The following GANC variants were observed in gnomAD, a reference collection of about 807,000 sequenced individuals.
The protein encoded by GANC is neutral alpha-glucosidase C.
Under a neutral mutation model 124.2 loss-of-function variants are expected in GANC, and 117 were observed. That is an observed-to-expected ratio of 0.94 (90% CI 0.81 to 1.10). The LOEUF (loss-of-function observed/expected upper bound fraction) is 1.10, where lower values mean the gene tolerates loss of function less well. Ranked by LOEUF, GANC falls within the 50% of genes least tolerant of loss-of-function variation. The pLI is 0.00. For synonymous variants in GANC, 377 were observed against 376.8 expected (o/e 1.00, Z -0.01); for missense variants, 1,140 against 1,095.0 (o/e 1.04, Z -0.58).
At chr15:42,287,859 T>A in intron 4 of GANC, 41 bp downstream of exon 4, 2 of 1,575,770 alleles carry the variant, frequency 1.3e-6, no homozygotes, top group Non-Finnish European at 1.7e-6. Context: ...ACGCTTGATA[T>A]ATTCTTTTAT....
At chr15:42,311,896 C>A in intron 10 of GANC, among the ~76,000 whole-genome samples, 2 of 151,522 alleles carry the variant, frequency 1.3e-5, no homozygotes, top group South Asian at 2.1e-4. Flanking sequence ...ATGAACAATC[C>A]AAAAAAATTT....
chr15:42,320,269 A>G (rs1426680975), intron 10 of GANC, among the ~76,000 whole-genome samples: 3 of 152,158 alleles, frequency 2.0e-5, no homozygotes, highest in Non-Finnish European at 2.9e-5. Flanking sequence ...GGGATACTCA[A>G]CCTACACTTG....
chr15:42,347,623 A>G (rs1185626397), intron 20 of GANC, among the ~76,000 whole-genome samples: 1 of 152,182 alleles, frequency 6.6e-6, no homozygotes, highest in East Asian at 1.9e-4. Flanking sequence ...AGTGAGGACA[A>G]AAGTCATCTG....
intron 5 of GANC, among the ~76,000 whole-genome samples, chr15:42,296,848 T>C (rs1217035648): frequency 6.6e-6 from 1 of 150,538 alleles, no homozygotes; most frequent in African/African-American, 2.5e-5. Context: ...TTTTTCTTTT[T>C]CCTTTTTTTT....
At chr15:42,292,200 C>T (rs1440448352) in intron 4 of GANC, among the ~76,000 whole-genome samples, 2 of 152,060 alleles carry the variant, frequency 1.3e-5, no homozygotes, top group Non-Finnish European at 2.9e-5. Flanking sequence ...GACCTGGTTC[C>T]ATCTCACTGT....
At chr15:42,327,564 A>T (rs1457076812) in intron 13 of GANC, 122 bp downstream of exon 13, 3 of 818,850 alleles carry the variant, frequency 3.7e-6, no homozygotes, top group Non-Finnish European at 4.0e-6. Context: ...CTTTTATTAA[A>T]AGGCAAGTAT....
chr15:42,328,020 T>C (rs146412543), intron 13 of GANC, among the ~76,000 whole-genome samples: 1 of 152,290 alleles, frequency 6.6e-6, no homozygotes. Flanking sequence ...TTTGTCTTCA[T>C]AATAACCCTC....
At position 42,343,067 on chromosome 15, in the gene GANC, C is replaced by G. The variant is rs1411304048; in HGVS notation, c.2153-11C>G. 2 of 1,610,070 alleles carry G rather than the reference C, an allele frequency of 1.2e-6. No homozygotes were observed. The highest frequency in any genetic ancestry group is 3.3e-5 in the Admixed American group (2 of 60,000). On this transcript the variant is annotated splice_polypyrimidine_tract_variant and intron_variant, in intron 18 of 23. Coordinates refer to ENST00000318010, the MANE Select transcript of GANC (RefSeq NM_198141.3). ...AATGATACTCAACTTTATTTCCTCT[C>G]CATTACTTAGGGAGTGCATTATTGG...
chr15:42,297,160 G>T (rs568522613), intron 5 of GANC, among the ~76,000 whole-genome samples: 1 of 151,938 alleles, frequency 6.6e-6, no homozygotes, highest in Non-Finnish European at 1.5e-5. Context: ...GTTCTACCTT[G>T]CTTACTTAGA....
intron 12 of GANC, among the ~76,000 whole-genome samples, chr15:42,326,863 CAAAAGTTATT>C (rs1457707376): frequency 1.3e-5 from 2 of 152,134 alleles, no homozygotes; most frequent in Non-Finnish European, 2.9e-5. Flanking sequence ...TTCTTCATTT[CAAAAGTTATT>C]AAAAGTTATT....
At chr15:42,316,439 A>G (rs898842626) in intron 10 of GANC, among the ~76,000 whole-genome samples, 2 of 152,148 alleles carry the variant, frequency 1.3e-5, no homozygotes, top group Non-Finnish European at 2.9e-5. Context: ...CAAGCAAGTC[A>G]CGTGATCATG....
chr15:42,281,148 A>G (rs1471141229), intron 3 of GANC: 1 of 701,828 alleles, frequency 1.4e-6, no homozygotes, highest in Admixed American at 2.0e-5. Context: ...TAGAAATATC[A>G]GAACCACATA....
At chr15:42,285,622 C>T (rs962434638) in intron 3 of GANC, among the ~76,000 whole-genome samples, 7 of 152,124 alleles carry the variant, frequency 4.6e-5, no homozygotes, top group Non-Finnish European at 1.0e-4. Flanking sequence ...TGGTGAAACC[C>T]CATCTCTATT....
At chr15:42,279,301 G>A (rs77082056) in intron 3 of GANC, among the ~76,000 whole-genome samples, 5,740 of 152,186 alleles carry the variant, frequency 0.038, 367 homozygotes, top group African/African-American at 0.13. Context: ...TTCTAACACT[G>A]TTACACAATG....
Position 42,339,753 on chromosome 15 carries a change from G to C in GANC, c.1928G>C (p.Arg643Pro). 6.2e-7 allele frequency: 1 copy of C among 1,614,074 alleles called. No homozygotes were observed. Among genetic ancestry groups the C allele is most frequent in the African/African-American group, 1.3e-5 (1 of 75,002 alleles). The change falls in exon 17 of 24, where the codon CGT becomes CCT. Residue 643 changes from arginine (R) to proline (P), a missense_variant. Arg to Pro is a moderately radical substitution (Grantham distance 103). Coordinates refer to ENST00000318010, the MANE Select transcript of GANC (RefSeq NM_198141.3). ...GCTGGAGCCTACCAGCCCTTCTTCC[G>C]TGGCCATGCCACCATGAACACCAAG... The part of the protein sequence containing the change: ...YQAGAYQPFF[R>P]GHATMNTKRR...
rs185912978 is a variant in GANC at position 42,295,196 on chromosome 15, G to T, written c.512+2279G>T. Among the ~76,000 whole-genome samples the T allele has an allele frequency of 2.6e-3, 402 of 151,892 alleles. 1 individual carries two copies. The highest frequency in any genetic ancestry group is 9.4e-3 in the African/African-American group (388 of 41,414). Reference sequence around the variant, plus strand: ...TCACTGTGTTAGTCAGGATGATCTCGATCTCCTGAACTCGTGATCCGCCCG... The same window carrying T: ...TCACTGTGTTAGTCAGGATGATCTCTATCTCCTGAACTCGTGATCCGCCCG... On this transcript the variant is annotated intron_variant, in intron 5 of 23. Transcript: ENST00000318010.
intron 11 of GANC, among the ~76,000 whole-genome samples, chr15:42,322,980 CACAG>C (rs1422542707): frequency 1.3e-5 from 2 of 152,202 alleles, no homozygotes; most frequent in African/African-American, 4.8e-5. Context: ...CCAGGCTTTT[CACAG>C]ACAGCCAGAG....
chr15:42,340,170 A>G (rs2052318827), intron 17 of GANC, among the ~76,000 whole-genome samples: 1 of 152,270 alleles, frequency 6.6e-6, no homozygotes, highest in Non-Finnish European at 1.5e-5. Flanking sequence ...GATATTTCAA[A>G]GAAAAAGGAA....
intron 3 of GANC, among the ~76,000 whole-genome samples, chr15:42,279,438 T>G (rs1391587389): frequency 2.0e-5 from 3 of 152,186 alleles, no homozygotes; most frequent in Middle Eastern, 3.2e-3. Context: ...AAGTAACAAG[T>G]GTTCCCTCAC....
Sources: allele counts gnomAD v4.1 joint callset (sites outside exome capture counted in the v4.1 genomes callset), GRCh38; gene constraint gnomAD v4.1.1; transcripts MANE v1.5; gene names NCBI Gene and HGNC (gene_info 2026-07-23, HGNC 2026-07-21).